DUSP22: variants seen among roughly 807,000 people sequenced by gnomAD.
DUSP22 encodes dual specificity phosphatase 22, also known as dual specificity protein phosphatase 22.
DUSP22 carries 24 observed loss-of-function variants against 24.5 expected under a neutral mutation model. The observed-to-expected ratio is 0.98, with a 90% confidence interval of 0.71 to 1.38. The LOEUF is 1.38. Ranked by LOEUF, DUSP22 falls within the 40% of genes most tolerant of loss-of-function variation. DUSP22 has a pLI of 0.00. For synonymous variants in DUSP22, 160 were observed against 106.4 expected (o/e 1.50, Z -3.10); for missense variants, 330 against 269.2 (o/e 1.23, Z -1.58).
chr6:350,912 G>T lies in DUSP22; in HGVS notation c.*1961G>T. 6.2e-7 allele frequency: 1 copy of T among 1,611,684 alleles called. No individual in the cohort carries two copies. Among genetic ancestry groups the T allele is most frequent in the East Asian group, 2.2e-5 (1 of 44,858 alleles). ...AATATTGCAAACCCACAGAGTTTAG[G>T]CTGGTGCTGCCAAAAAGAAAAGCAA... On this transcript the variant is annotated 3_prime_UTR_variant, in exon 7 of 7. Transcript: ENST00000419235.
At chr6:307,079 A>G (rs1410690523) in intron 2 of DUSP22, among the ~76,000 whole-genome samples, 2 of 152,308 alleles carry the variant, frequency 1.3e-5, no homozygotes, top group East Asian at 1.9e-4. Flanking sequence ...GTGGAAACCC[A>G]ATGTGGAATG....
intron 3 of DUSP22, among the ~76,000 whole-genome samples, chr6:321,669 T>G (rs1341440457): frequency 6.6e-6 from 1 of 152,162 alleles, no homozygotes; most frequent in Non-Finnish European, 1.5e-5. Context: ...TTTTGTGAGA[T>G]AAAATGGAAT....
intron 3 of DUSP22, among the ~76,000 whole-genome samples, chr6:324,222 C>T (rs796121722): frequency 2.0e-5 from 3 of 152,426 alleles, no homozygotes; most frequent in South Asian, 2.1e-4. Flanking sequence ...TGTGCTTCCA[C>T]ATGTGGGCTC....
chr6:351,212 T>A lies in DUSP22; in HGVS notation c.*2261T>A. ...ACGAGCCCAGTGTAGTTGTGTGGCG[T>A]GAACTCTGCCCGTGTGTTCTCAAAT... On this transcript the variant is annotated 3_prime_UTR_variant, in exon 7 of 7. Transcript: ENST00000419235. 3.0e-6 allele frequency: 1 copy of A among 329,480 alleles called. No homozygotes were observed. Among genetic ancestry groups the A allele is most frequent in the Non-Finnish European group, 5.6e-6 (1 of 178,686 alleles). 20.4% of individuals were successfully genotyped at this position (329,480 alleles called of 1,614,324 possible).
chr6:301,053 C>T (rs540543328), intron 1 of DUSP22, among the ~76,000 whole-genome samples: 192 of 152,338 alleles, frequency 1.3e-3, no homozygotes, highest in African/African-American at 4.4e-3. Context: ...ACTTGTTACA[C>T]GTGGGTCACA....
chr6:335,429 G>C (rs1468030823), intron 4 of DUSP22, among the ~76,000 whole-genome samples: 2 of 152,308 alleles, frequency 1.3e-5, no homozygotes, highest in African/African-American at 2.4e-5. Flanking sequence ...GTTTACAAAG[G>C]ATACCTTAAA....
chr6:349,519 A>G lies in DUSP22; in HGVS notation c.*568A>G. On this transcript the variant is annotated 3_prime_UTR_variant, in exon 7 of 7. Transcript: ENST00000419235. Reference sequence around the variant, plus strand: ...TGAGCAGACCGTGAGAACTCAGGGGACGAGTGGCTAAGAGCATGGCCTCTC... The same window carrying G: ...TGAGCAGACCGTGAGAACTCAGGGGGCGAGTGGCTAAGAGCATGGCCTCTC... The G allele has an allele frequency of 1.0e-6, 1 of 992,732 alleles. No individual in the cohort carries two copies. The allele number at this position is 992,732 out of a possible 1,614,324, so 61.5% of individuals were successfully genotyped here. A position where few individuals can be genotyped will look rare whatever the true frequency, so the allele number is the denominator to read the frequency against.
rs528915517 is a variant in DUSP22 at position 309,411 on chromosome 6, G to A, written c.56-2469G>A. Among the ~76,000 whole-genome samples the A allele has an allele frequency of 1.9e-4, 29 of 152,408 alleles. No homozygotes were observed. In the South Asian group the frequency reaches 6.0e-3, roughly 32 times the overall value. ...ACTTGAAAACAATAGCCCTAAATTT[G>A]AAGCTCGAAAATTTGAATCTGGGAA... On this transcript the variant is annotated intron_variant, in intron 2 of 6. Coordinates refer to ENST00000419235, the MANE Select transcript of DUSP22 (RefSeq NM_001286555.3).
intron 2 of DUSP22, among the ~76,000 whole-genome samples, chr6:310,769 C>T (rs1342523138): frequency 6.6e-6 from 1 of 152,306 alleles, no homozygotes; most frequent in African/African-American, 2.4e-5. Flanking sequence ...TTATGTGTCT[C>T]ATGCAGAAAG....
chr6:329,146 C>T (rs1254910075), intron 3 of DUSP22, among the ~76,000 whole-genome samples: 1 of 152,302 alleles, frequency 6.6e-6, no homozygotes, highest in Non-Finnish European at 1.5e-5. Flanking sequence ...TGCAGGGTGC[C>T]TCAAAAAGCA....
At chr6:333,518 AG>A (rs1487277917) in intron 3 of DUSP22, among the ~76,000 whole-genome samples, 2 of 152,306 alleles carry the variant, frequency 1.3e-5, no homozygotes, top group African/African-American at 2.4e-5. Flanking sequence ...ATTGTGGATG[AG>A]GCAAGAGGGA....
intron 1 of DUSP22, among the ~76,000 whole-genome samples, chr6:294,300 T>C (rs543699010): frequency 2.6e-5 from 4 of 152,402 alleles, no homozygotes; most frequent in African/African-American, 9.6e-5. Flanking sequence ...CTTCCCTGCT[T>C]CAACACTTAT....
Position 350,335 on chromosome 6 carries a change from A to C in DUSP22, c.*1384A>C. The C allele has an allele frequency of 9.9e-7, 1 of 1,014,916 alleles. No homozygotes were observed. Among genetic ancestry groups the C allele is most frequent in the Non-Finnish European group, 1.2e-6 (1 of 848,504 alleles). The allele number at this position is 1,014,916 out of a possible 1,614,324, so 62.9% of individuals were successfully genotyped here. On this transcript the variant is annotated 3_prime_UTR_variant, in exon 7 of 7. Transcript: ENST00000419235. ...GCAGGCATCCTGGGACGCTGTACGC[A>C]ATTCAGTGGTCTAGTCCTTTATACC...
intron 2 of DUSP22, 67 bp downstream of exon 2, chr6:304,728 T>G: frequency 6.2e-7 from 1 of 1,603,454 alleles, no homozygotes; most frequent in Non-Finnish European, 8.5e-7. Flanking sequence ...TCTTGACCAT[T>G]TTAAAGTGTA....
At chr6:341,782 A>G (rs1323288369) in intron 4 of DUSP22, among the ~76,000 whole-genome samples, 1 of 152,310 alleles carries the variant, frequency 6.6e-6, no homozygotes, top group Non-Finnish European at 1.5e-5. Flanking sequence ...ACAGACGGAA[A>G]GAGCTACCGG....
chr6:309,679 A>AAC (rs759885887), intron 2 of DUSP22, among the ~76,000 whole-genome samples: 2,574 of 136,374 alleles, frequency 0.019, 3 homozygotes, highest in East Asian at 0.079. Context: ...ACTCATGTAG[A>AAC]ACACACACAC....
chr6:342,612 A>C (rs1759662504), intron 4 of DUSP22, among the ~76,000 whole-genome samples: 1 of 152,310 alleles, frequency 6.6e-6, no homozygotes, highest in South Asian at 2.1e-4. Flanking sequence ...AGGTAGCATG[A>C]ATTTGGCCAT....
At chr6:331,899 T>C (rs1027445154) in intron 3 of DUSP22, among the ~76,000 whole-genome samples, 4 of 152,310 alleles carry the variant, frequency 2.6e-5, no homozygotes, top group African/African-American at 9.6e-5. Context: ...GCCGACTGGC[T>C]CTCAGCTGCG....
chr6:301,873 A>T (rs62390173), intron 1 of DUSP22, among the ~76,000 whole-genome samples: 2 of 152,300 alleles, frequency 1.3e-5, no homozygotes, highest in Admixed American at 6.5e-5. Flanking sequence ...ATGGTTCTAC[A>T]ACATTAGAAT....
Sources: gnomAD v4.1 joint callset for allele counts (sites outside exome capture counted in the v4.1 genomes callset) on GRCh38, gnomAD v4.1.1 for gene constraint, MANE v1.5 for transcripts, NCBI Gene and HGNC (gene_info 2026-07-23, HGNC 2026-07-21) for gene names.